R3HDM2: variants seen among roughly 807,000 people sequenced by gnomAD.
The protein encoded by R3HDM2 is R3H domain containing 2, also known as R3H domain-containing protein 2.
A neutral mutation model predicts 124.5 loss-of-function variants in R3HDM2; 38 were observed. The observed-to-expected ratio is 0.31, with a 90% CI of 0.24 to 0.40. The LOEUF (loss-of-function observed/expected upper bound fraction) is 0.40. R3HDM2 is among the 10% of genes least tolerant of loss of function. The pLI, the probability that R3HDM2 is intolerant of heterozygous loss-of-function variation, is 1.00. For synonymous variants in R3HDM2, 391 were observed against 448.0 expected (o/e 0.87, Z 1.61); for missense variants, 869 against 1,236.9 (o/e 0.70, Z 4.46).
At chr12:57,355,771 A>G (rs2061220259) in intron 2 of R3HDM2, among the ~76,000 whole-genome samples, 1 of 152,164 alleles carries the variant, frequency 6.6e-6, no homozygotes, top group Non-Finnish European at 1.5e-5. Context: ...CTGATCCATA[A>G]GCAATGTTTT....
At chr12:57,330,495 C>G (rs767776302) in intron 2 of R3HDM2, among the ~76,000 whole-genome samples, 13 of 150,810 alleles carry the variant, frequency 8.6e-5, no homozygotes, top group Non-Finnish European at 1.9e-4. Flanking sequence ...AGGCACGCAC[C>G]ACCACGCCCA....
At chr12:57,270,128 G>T in intron 14 of R3HDM2, 134 bp from the exon 15 acceptor site, 1 of 1,082,778 alleles carries the variant, frequency 9.2e-7, no homozygotes, top group Non-Finnish European at 1.3e-6. Flanking sequence ...CTACCTCTGT[G>T]CTGTGCTATG....
intron 1 of R3HDM2, 148 bp downstream of exon 1, chr12:57,430,572 C>T (rs937088407): frequency 4.1e-6 from 4 of 985,098 alleles, no homozygotes; most frequent in Middle Eastern, 5.2e-4. Flanking sequence ...CGCGGCCATC[C>T]GACCCTGACC....
At chr12:57,344,299 C>G (rs1007346953) in intron 2 of R3HDM2, among the ~76,000 whole-genome samples, 5 of 152,176 alleles carry the variant, frequency 3.3e-5, no homozygotes, top group African/African-American at 1.2e-4. Context: ...GGAATCATCA[C>G]TCACGAAAAG....
intron 3 of R3HDM2, among the ~76,000 whole-genome samples, chr12:57,305,258 G>A (rs570174539): frequency 6.6e-6 from 1 of 151,612 alleles, no homozygotes; most frequent in South Asian, 2.1e-4. Flanking sequence ...TTTTTCATGA[G>A]TATCATTCTA....
At chr12:57,261,458 C>A (rs1024334924) in intron 19 of R3HDM2, among the ~76,000 whole-genome samples, 13 of 152,020 alleles carry the variant, frequency 8.6e-5, no homozygotes, top group African/African-American at 2.9e-4. Flanking sequence ...CTAATACCAG[C>A]AGGTAGTCAT....
chr12:57,329,516 A>G (rs1268783712), intron 2 of R3HDM2, among the ~76,000 whole-genome samples: 1 of 152,242 alleles, frequency 6.6e-6, no homozygotes, highest in African/African-American at 2.4e-5. Context: ...AGTAGTTGCT[A>G]AGTGAATACT....
At chr12:57,368,222 G>GTA (rs139443382) in intron 2 of R3HDM2, among the ~76,000 whole-genome samples, 126 of 151,600 alleles carry the variant, frequency 8.3e-4, no homozygotes, top group African/African-American at 2.4e-4. Flanking sequence ...AATTCAATGT[G>GTA]TATATATATA....
At chr12:57,300,231 T>G in intron 4 of R3HDM2, 50 bp from the exon 5 acceptor site, 1 of 1,437,176 alleles carries the variant, frequency 7.0e-7, no homozygotes, top group Non-Finnish European at 9.6e-7. Context: ...ATCTTATATA[T>G]TTCTTCCCTC....
chr12:57,344,582 T>C (rs1252480576), intron 2 of R3HDM2, among the ~76,000 whole-genome samples: 1 of 152,046 alleles, frequency 6.6e-6, no homozygotes, highest in Non-Finnish European at 1.5e-5. Context: ...GGACAAACAT[T>C]CTTGAAACTA....
At chr12:57,334,032 G>A (rs1384806180) in intron 2 of R3HDM2, among the ~76,000 whole-genome samples, 2 of 150,262 alleles carry the variant, frequency 1.3e-5, no homozygotes, top group Non-Finnish European at 1.5e-5. Context: ...GCGAGACTCC[G>A]TCTCAAAAAA....
chr12:57,399,437 T>C (rs550472434), intron 1 of R3HDM2, among the ~76,000 whole-genome samples: 11 of 152,160 alleles, frequency 7.2e-5, no homozygotes, highest in South Asian at 4.2e-4. Context: ...GCTTTAATAA[T>C]GACCCCGTCA....
Position 57,362,473 on chromosome 12 carries a change from T to C in R3HDM2, c.-36+33276A>G, listed in dbSNP as rs183955813. The stretch of plus-strand genomic sequence containing the variant: ...TATTGTTAAGGCTATTAATCAACTG[T>C]TGAATTGTTAATGAACTGTTTATGT... On this transcript the variant is annotated intron_variant, in intron 2 of 23. Transcript: ENST00000402412. 5.1e-4 allele frequency among the ~76,000 whole-genome samples: 77 copies of C among 152,356 alleles called. No homozygotes were observed. In the East Asian group the frequency reaches 0.014, roughly 27 times the overall value.
intron 1 of R3HDM2, among the ~76,000 whole-genome samples, chr12:57,419,727 C>T (rs1487532447): frequency 6.6e-6 from 1 of 152,042 alleles, no homozygotes; most frequent in Non-Finnish European, 1.5e-5. Context: ...CAGGTGTAAG[C>T]CACCGTGCCC....
chr12:57,332,570 T>C (rs1021578114), intron 2 of R3HDM2, among the ~76,000 whole-genome samples: 4 of 152,164 alleles, frequency 2.6e-5, no homozygotes, highest in Non-Finnish European at 1.5e-5. Flanking sequence ...AATTTTCACC[T>C]AAGAGATCAG....
chr12:57,376,565 A>AG (rs540501498), intron 2 of R3HDM2, among the ~76,000 whole-genome samples: 100 of 152,336 alleles, frequency 6.6e-4, no homozygotes, highest in African/African-American at 2.2e-3. Context: ...ATGAGGCAGG[A>AG]GGTTCACTTG....
chr12:57,310,545 C>A, intron 2 of R3HDM2, 82 bp from the exon 3 acceptor site: 1 of 697,906 alleles, frequency 1.4e-6, no homozygotes, highest in Non-Finnish European at 2.0e-6. Flanking sequence ...CACACGGGTA[C>A]ATTTTTTCCA....
At chr12:57,293,171 C>T (rs966454179) in intron 10 of R3HDM2, among the ~76,000 whole-genome samples, 17 of 152,190 alleles carry the variant, frequency 1.1e-4, no homozygotes, top group Non-Finnish European at 2.1e-4. Context: ...AGACCCAAAT[C>T]ACACACAGCT....
chr12:57,412,361 G>A (rs1395456813), intron 1 of R3HDM2, among the ~76,000 whole-genome samples: 4 of 151,720 alleles, frequency 2.6e-5, no homozygotes, highest in Non-Finnish European at 5.9e-5. Flanking sequence ...GACCAACATT[G>A]TGAAACCTTG....
Sources: gnomAD v4.1 joint callset for allele counts (sites outside exome capture counted in the v4.1 genomes callset) on GRCh38, gnomAD v4.1.1 for gene constraint, MANE v1.5 for transcripts, NCBI Gene and HGNC (gene_info 2026-07-23, HGNC 2026-07-21) for gene names.